Variants in ITGAM observed in about 807,000 individuals in gnomAD.
ITGAM encodes integrin alpha-M.
A neutral mutation model predicts 137.5 loss-of-function variants in ITGAM; 79 were observed. The ratio of observed to expected loss-of-function variants is 0.57; its 90% CI spans 0.48 to 0.69. The LOEUF is 0.69. Among genes scored for constraint, ITGAM ranks in the 30% least tolerant of loss-of-function variants. The pLI, the probability that ITGAM is intolerant of heterozygous loss-of-function variation, is 0.00. For missense variants in ITGAM, 1,343 were observed against 1,483.5 expected (o/e 0.91, Z 1.56); for synonymous variants, 583 against 592.3 (o/e 0.98, Z 0.23).
chr16:31,321,195 G>A, intron 14 of ITGAM, 46 bp from the exon 15 acceptor site: 2 of 1,608,380 alleles, frequency 1.2e-6, no homozygotes, highest in Non-Finnish European at 1.7e-6. Context: ...TACATCTCCT[G>A]TCTTTCCTAC....
In ITGAM at chr16:31,328,220, G is replaced by T; in HGVS notation, c.2782G>T (p.Val928Leu). 6.2e-7 allele frequency: 1 copy of T among 1,613,832 alleles called. No homozygotes were observed. The highest frequency in any genetic ancestry group is 8.5e-7 in the Non-Finnish European group (1 of 1,179,764). Reference protein sequence around the residue: ...ELPVKYAVYMVVTSHGVSTKY... With the variant: ...ELPVKYAVYMLVTSHGVSTKY... ...GCCGGTGAAATATGCTGTCTACATG[G>T]TGGTCACCAGGTGCTGGCTTCCAGG... The change falls in exon 23 of 30, where the codon GTG becomes TTG. Residue 928 changes from valine (V) to leucine (L), a missense_variant. Val to Leu is a conservative substitution (Grantham distance 32). Coordinates refer to ENST00000544665, the MANE Select transcript of ITGAM (RefSeq NM_000632.4).
At chr16:31,297,693 G>C (rs1465411226) in intron 13 of ITGAM, 39 bp downstream of exon 13, 4 of 1,601,872 alleles carry the variant, frequency 2.5e-6, no homozygotes, top group Admixed American at 1.8e-5. Context: ...GGGGCCCGGT[G>C]TGGGTGGAGG....
At chr16:31,260,215 G>A in intron 1 of ITGAM, 123 bp downstream of exon 1, 1 of 731,040 alleles carries the variant, frequency 1.4e-6, no homozygotes, top group Non-Finnish European at 2.2e-6. Flanking sequence ...ATTTGGGGAA[G>A]GAGAAAGGGT....
chr16:31,260,311 GGCTGCTTGCCGGTCCC>G (rs2079684923), intron 1 of ITGAM, among the ~76,000 whole-genome samples: 1 of 152,160 alleles, frequency 6.6e-6, no homozygotes, highest in East Asian at 1.9e-4. Context: ...GACTGTGCAA[GGCTGCTTGCCGGTCCC>G]CTTGCTTCAC....
chr16:31,287,609 ATTTTTCG>A (rs1406457525), intron 12 of ITGAM, among the ~76,000 whole-genome samples: 1 of 146,842 alleles, frequency 6.8e-6, no homozygotes, highest in Non-Finnish European at 1.5e-5. Context: ...CAGGTACTTC[ATTTTTCG>A]TTTCTGCCTG....
At chr16:31,265,789 A>G (rs1387500087) in intron 3 of ITGAM, 22 bp from the exon 4 acceptor site, 1 of 1,611,034 alleles carries the variant, frequency 6.2e-7, no homozygotes, top group African/African-American at 1.3e-5. Context: ...CAGGGTGACC[A>G]TGCCCATATC....
chr16:31,296,360 G>A (rs1042644838), intron 12 of ITGAM, among the ~76,000 whole-genome samples: 1 of 150,858 alleles, frequency 6.6e-6, no homozygotes, highest in African/African-American at 2.4e-5. Context: ...TGATCCACAC[G>A]CCCTGGCCTC....
chr16:31,330,272 T>C (rs748113240), intron 26 of ITGAM, 36 bp from the exon 27 acceptor site: 2 of 1,595,986 alleles, frequency 1.3e-6, no homozygotes, highest in Admixed American at 1.7e-5. Flanking sequence ...TGCCTTCGGC[T>C]TCCTTACCCG....
At chr16:31,302,502 C>G (rs1411939313) in intron 14 of ITGAM, among the ~76,000 whole-genome samples, 2 of 105,174 alleles carry the variant, frequency 1.9e-5, no homozygotes, top group African/African-American at 7.6e-5. Context: ...TTCCTTCTTT[C>G]TTTCTTTCTT....
chr16:31,330,334 A>T lies in ITGAM; in HGVS notation c.3087A>T (p.Arg1029Ser). 1 of 1,613,996 alleles carries T rather than the reference A, an allele frequency of 6.2e-7. No individual in the cohort carries two copies. The change falls in exon 27 of 30, where the codon AGA becomes AGT. Residue 1029 changes from arginine to serine, a missense_variant. Arg to Ser is a moderately radical substitution (Grantham distance 110). Coordinates refer to ENST00000544665, the MANE Select transcript of ITGAM (RefSeq NM_000632.4). Reference protein sequence around the residue: ...VVNCSIAVCQRIQCDIPFFGI... With the variant: ...VVNCSIAVCQSIQCDIPFFGI... The stretch of plus-strand genomic sequence containing the variant: ...ACTGCTCCATCGCTGTCTGCCAGAG[A>T]ATCCAGTGTGACATCCCGTTCTTTG...
chr16:31,291,495 G>C (rs2144361275), intron 12 of ITGAM, among the ~76,000 whole-genome samples: 1 of 152,222 alleles, frequency 6.6e-6, no homozygotes, highest in East Asian at 1.9e-4. Context: ...ATCTTTGCCA[G>C]CATCCATCAT....
At chr16:31,275,432 CTGATG>C (rs2079895934) in intron 8 of ITGAM, 112 bp from the exon 9 acceptor site, 7 of 1,094,238 alleles carry the variant, frequency 6.4e-6, no homozygotes, top group Non-Finnish European at 9.4e-6. Flanking sequence ...CAGGGACCTT[CTGATG>C]CATTTCCTCA....
chr16:31,331,039 G>A, intron 28 of ITGAM, 126 bp from the exon 29 acceptor site: 1 of 617,174 alleles, frequency 1.6e-6, no homozygotes, highest in Non-Finnish European at 3.0e-6. Context: ...GAGGAGGACT[G>A]AGGGCTGGGG....
At chr16:31,313,514 T>C (rs939129159) in intron 14 of ITGAM, among the ~76,000 whole-genome samples, 1 of 152,174 alleles carries the variant, frequency 6.6e-6, no homozygotes, top group African/African-American at 2.4e-5. Context: ...TTGCTGAGAA[T>C]GATGGTTTCC....
intron 5 of ITGAM, among the ~76,000 whole-genome samples, chr16:31,270,742 T>TATATATATATATATATA (rs1343169219): frequency 1.5e-4 from 16 of 109,898 alleles, no homozygotes; most frequent in African/African-American, 5.9e-4. Context: ...TATATATATA[T>TATATATATATATATATA]ATGTTTTTAA....
intron 6 of ITGAM, 131 bp from the exon 7 acceptor site, chr16:31,271,716 C>A: frequency 2.8e-6 from 3 of 1,076,942 alleles, no homozygotes; most frequent in Non-Finnish European, 4.0e-6. Context: ...CCTGGTGAGG[C>A]AGGGGATTAG....
intron 7 of ITGAM, among the ~76,000 whole-genome samples, chr16:31,272,914 G>A (rs1567250541): frequency 6.6e-6 from 1 of 152,016 alleles, no homozygotes; most frequent in Non-Finnish European, 1.5e-5. Flanking sequence ...TTGCATCTCA[G>A]TGCTAAGTCT....
chr16:31,330,892 TAAAG>T (rs577877656), intron 28 of ITGAM, among the ~76,000 whole-genome samples: 21 of 140,462 alleles, frequency 1.5e-4, no homozygotes, highest in African/African-American at 5.4e-4. Flanking sequence ...GAGATAGAGA[TAAAG>T]AGAGAGATAC....
chr16:31,296,052 G>T (rs1279965331), intron 12 of ITGAM, among the ~76,000 whole-genome samples: 1 of 150,738 alleles, frequency 6.6e-6, no homozygotes, highest in African/African-American at 2.4e-5. Flanking sequence ...AATCATCCTT[G>T]CATCTCGCAT....
Sources: allele counts gnomAD v4.1 joint callset (sites outside exome capture counted in the v4.1 genomes callset), GRCh38; gene constraint gnomAD v4.1.1; transcripts MANE v1.5; gene names NCBI Gene and HGNC (gene_info 2026-07-23, HGNC 2026-07-21).